SORCS3: variants seen among roughly 807,000 people sequenced by gnomAD.
SORCS3 encodes the protein sortilin related VPS10 domain containing receptor 3, also known as VPS10 domain-containing receptor SorCS3.
In SORCS3, 57 loss-of-function variants were observed where a neutral mutation model predicts 146.3. That is an observed-to-expected ratio of 0.39 (90% CI 0.31 to 0.49). The LOEUF (loss-of-function observed/expected upper bound fraction) is 0.49, where lower values mean the gene tolerates loss of function less well. Among genes scored for constraint, SORCS3 ranks in the 20% least tolerant of loss-of-function variants. The probability of loss-of-function intolerance (pLI) is 0.92; values close to 1 mark genes in which losing one functional copy is unlikely to be tolerated. For missense variants in SORCS3, 1,341 were observed against 1,575.5 expected, an observed-to-expected ratio of 0.85 and a Z score of 2.52; for synonymous variants, 653 against 618.5, an observed-to-expected ratio of 1.06 and a Z score of -0.83.
chr10:104,722,858 T>C (rs1166147625), intron 1 of SORCS3, among the ~76,000 whole-genome samples: 3 of 152,160 alleles, frequency 2.0e-5, no homozygotes, highest in Admixed American at 2.0e-4. Context: ...GTCTATTTGA[T>C]TCTTCTCTCT....
chr10:104,762,527 C>A (rs1019896290), intron 1 of SORCS3, among the ~76,000 whole-genome samples: 21 of 152,186 alleles, frequency 1.4e-4, no homozygotes, highest in African/African-American at 4.6e-4. Context: ...TTAACTCTGA[C>A]TTCACATTAG....
At chr10:105,042,468 C>T (rs565328302) in intron 4 of SORCS3, among the ~76,000 whole-genome samples, 1 of 152,176 alleles carries the variant, frequency 6.6e-6, no homozygotes, top group East Asian at 1.9e-4. Flanking sequence ...CCCAATACTC[C>T]TAGTTAGTCA....
chr10:105,153,048 C>A (rs577187039), intron 9 of SORCS3, among the ~76,000 whole-genome samples: 1 of 151,990 alleles, frequency 6.6e-6, no homozygotes, highest in Non-Finnish European at 1.5e-5. Context: ...AAATTGTGCA[C>A]AAATCACAAT....
chr10:105,069,191 A>C (rs1035307789), intron 5 of SORCS3, among the ~76,000 whole-genome samples: 1 of 152,236 alleles, frequency 6.6e-6, no homozygotes, highest in Non-Finnish European at 1.5e-5. Flanking sequence ...TTATGCTTAC[A>C]TGCCATAAGA....
At chr10:105,140,691 G>A (rs2056089266) in intron 8 of SORCS3, among the ~76,000 whole-genome samples, 1 of 152,136 alleles carries the variant, frequency 6.6e-6, no homozygotes, top group South Asian at 2.1e-4. Flanking sequence ...GATTTTAAGA[G>A]ACAGCACCGT....
At chr10:105,174,069 G>A (rs1415840523) in intron 13 of SORCS3, among the ~76,000 whole-genome samples, 1 of 152,172 alleles carries the variant, frequency 6.6e-6, no homozygotes, top group Non-Finnish European at 1.5e-5. Flanking sequence ...TTCCGTGGAA[G>A]CTAGGACCTT....
At chr10:105,194,689 A>G (rs2056534825) in intron 14 of SORCS3, among the ~76,000 whole-genome samples, 1 of 152,282 alleles carries the variant, frequency 6.6e-6, no homozygotes, top group Admixed American at 6.5e-5. Flanking sequence ...GTTCCGTAGG[A>G]TACAGAGAAG....
At chr10:104,715,516 C>T (rs1165123838) in intron 1 of SORCS3, among the ~76,000 whole-genome samples, 2 of 152,138 alleles carry the variant, frequency 1.3e-5, no homozygotes, top group Admixed American at 6.5e-5. Flanking sequence ...TCCATAATTG[C>T]GTGAGCCAAT....
chr10:105,111,983 A>G lies in SORCS3; in HGVS notation c.1212+6468A>G, dbSNP rs150369786. On this transcript the variant is annotated intron_variant, in intron 7 of 26. Transcript: ENST00000369701. ...TAATTGTGGGAGGGAGTGGAGTGGT[A>G]GAAAAAGAAGTTGGAAAATTGAACT... Among the ~76,000 whole-genome samples the G allele has an allele frequency of 1.1e-3, 164 of 152,344 alleles. 3 individuals carry two copies. The highest frequency in any genetic ancestry group is 0.01 in the Middle Eastern group (3 of 294).
intron 5 of SORCS3, among the ~76,000 whole-genome samples, chr10:105,062,550 C>T (rs986060716): frequency 3.3e-5 from 5 of 152,002 alleles, no homozygotes; most frequent in Non-Finnish European, 5.9e-5. Context: ...GATAGGGACC[C>T]GGTGTAGTGG....
At chr10:104,800,798 A>T (rs905462275) in intron 1 of SORCS3, among the ~76,000 whole-genome samples, 2 of 152,212 alleles carry the variant, frequency 1.3e-5, no homozygotes, top group Admixed American at 6.5e-5. Flanking sequence ...TCCTAAACAC[A>T]TGGATGGCTA....
intron 2 of SORCS3, among the ~76,000 whole-genome samples, chr10:104,852,963 G>T (rs528261621): frequency 6.6e-6 from 1 of 152,282 alleles, no homozygotes; most frequent in Admixed American, 6.5e-5. Flanking sequence ...GGGTCAGTTG[G>T]CCGTCAGGAA....
At chr10:104,671,324 C>CTTTTTTTTTTTTTTTTTTTTT (rs1564655720) in intron 1 of SORCS3, among the ~76,000 whole-genome samples, 1 of 17,530 alleles carries the variant, frequency 5.7e-5, no homozygotes, top group Non-Finnish European at 1.4e-4. Flanking sequence ...TCATTCTTTT[C>CTTTTTTTTTTTTTTTTTTTTT]CTTTTTTTTT....
In SORCS3 at chr10:104,734,033, C is replaced by T. The variant is rs551706268; in HGVS notation, c.627+92079C>T. ...ATAGGAGGCATTCAGCAGACAATAA[C>T]TGGATTGAGGTGGTTGAGATATTAC... On this transcript the variant is annotated intron_variant, in intron 1 of 26. Coordinates refer to ENST00000369701, the MANE Select transcript of SORCS3 (RefSeq NM_014978.3). 2.0e-5 allele frequency among the ~76,000 whole-genome samples: 3 copies of T among 152,104 alleles called. No individual in the cohort carries two copies. The East Asian group carries it at 5.8e-4, about 29-fold the overall frequency.
chr10:104,895,873 G>A (rs1179666101), intron 2 of SORCS3, among the ~76,000 whole-genome samples: 1 of 152,206 alleles, frequency 6.6e-6, no homozygotes, highest in Non-Finnish European at 1.5e-5. Context: ...ATGGTATGAG[G>A]AGAGTTCTTG....
At chr10:105,227,835 A>G (rs182583483) in intron 20 of SORCS3, among the ~76,000 whole-genome samples, 10 of 151,444 alleles carry the variant, frequency 6.6e-5, no homozygotes, top group African/African-American at 2.4e-4. Context: ...TTTTTTACTT[A>G]AAGTTTGTTT....
At chr10:104,915,731 A>G in intron 2 of SORCS3, 102 bp from the exon 3 acceptor site, 1 of 912,344 alleles carries the variant, frequency 1.1e-6, no homozygotes. Context: ...TGATTCGGGA[A>G]GAAAGGTGCT....
chr10:104,900,816 C>T (rs1197170527), intron 2 of SORCS3, among the ~76,000 whole-genome samples: 1 of 143,408 alleles, frequency 7.0e-6, no homozygotes, highest in Non-Finnish European at 1.5e-5. Flanking sequence ...ATTGCTTAAA[C>T]CTGGGAGGTG....
intron 1 of SORCS3, among the ~76,000 whole-genome samples, chr10:104,772,162 T>C (rs968162842): frequency 6.6e-6 from 1 of 152,032 alleles, no homozygotes; most frequent in African/African-American, 2.4e-5. Context: ...TCCAGAATCC[T>C]CTGTCATTGT....
Sources: allele counts gnomAD v4.1 joint callset (sites outside exome capture counted in the v4.1 genomes callset), GRCh38; gene constraint gnomAD v4.1.1; transcripts MANE v1.5; gene names NCBI Gene and HGNC (gene_info 2026-07-23, HGNC 2026-07-21).